The following MAD1L1 variants were observed in gnomAD, a reference collection of about 807,000 sequenced individuals.
MAD1L1 encodes the protein mitotic spindle assembly checkpoint protein MAD1.
A neutral mutation model predicts 96.9 loss-of-function variants in MAD1L1; 95 were observed. The ratio of observed to expected loss-of-function variants is 0.98; its 90% CI spans 0.83 to 1.16. MAD1L1 has a LOEUF of 1.16. Ranked by LOEUF, MAD1L1 falls within the 50% of genes most tolerant of loss-of-function variation. The probability of loss-of-function intolerance (pLI) is 0.00; values close to 1 mark genes in which losing one functional copy is unlikely to be tolerated. For synonymous variants in MAD1L1, 473 were observed against 396.6 expected (o/e 1.19, Z -2.29); for missense variants, 1,007 against 954.4 (o/e 1.06, Z -0.73).
At chr7:1,970,148 G>A (rs960567058) in intron 15 of MAD1L1, among the ~76,000 whole-genome samples, 1 of 152,172 alleles carries the variant, frequency 6.6e-6, no homozygotes, top group African/African-American at 2.4e-5. Flanking sequence ...CCGAGCCGCA[G>A]AGTTGAGCAG....
intron 10 of MAD1L1, among the ~76,000 whole-genome samples, chr7:2,149,905 C>T (rs182436299): frequency 6.6e-5 from 10 of 152,238 alleles, no homozygotes; most frequent in Admixed American, 5.2e-4. Flanking sequence ...TGCAAAGTTA[C>T]GCCAGTGGTG....
intron 10 of MAD1L1, among the ~76,000 whole-genome samples, chr7:2,152,769 T>C (rs1789643118): frequency 6.6e-6 from 1 of 152,134 alleles, no homozygotes; most frequent in Admixed American, 6.5e-5. Context: ...ACAATCCCTA[T>C]GCCGTTAACT....
At chr7:2,050,810 C>T (rs117988176) in intron 12 of MAD1L1, among the ~76,000 whole-genome samples, 47 of 152,292 alleles carry the variant, frequency 3.1e-4, no homozygotes, top group African/African-American at 1.0e-3. Context: ...CTGTGCGGAA[C>T]GGCCAGGTGA....
At chr7:2,132,400 C>T (rs1212588621) in intron 11 of MAD1L1, among the ~76,000 whole-genome samples, 4 of 100,056 alleles carry the variant, frequency 4.0e-5, no homozygotes, top group Admixed American at 1.2e-4. Context: ...CCATCACGGC[C>T]GCGTGCAGTC....
Position 1,905,192 on chromosome 7 carries a change from G to A in MAD1L1, c.1808-6802C>T, listed in dbSNP as rs571873204. On this transcript the variant is annotated intron_variant, in intron 17 of 18. Transcript: ENST00000265854. ...AGGCAGTGAGGACGCAGTGGCCTAC[G>A]GAAGACGCTCTTGCGGAATTCATGA... 3.3e-4 allele frequency among the ~76,000 whole-genome samples: 31 copies of A among 93,796 alleles called. 9 individuals are homozygous for A. The highest frequency in any genetic ancestry group is 6.5e-4 in the Non-Finnish European group (28 of 43,166). 61.5% of individuals were successfully genotyped at this position (93,796 alleles called of 152,430 possible).
At chr7:1,887,000 G>A (rs62436669) in intron 18 of MAD1L1, among the ~76,000 whole-genome samples, 23,017 of 152,334 alleles carry the variant, frequency 0.15, 2,179 homozygotes, top group South Asian at 0.28. Flanking sequence ...GCATGGCAGC[G>A]GCAGGGAGAA....
At chr7:2,193,126 G>A (rs1791807156) in intron 10 of MAD1L1, 1 of 152,342 alleles carries the variant, frequency 6.6e-6, no homozygotes, top group Admixed American at 6.5e-5. Context: ...CTTCCCAGGG[G>A]CAGGGAGGCT....
intron 13 of MAD1L1, among the ~76,000 whole-genome samples, chr7:2,011,842 G>T (rs536340089): frequency 6.6e-6 from 1 of 152,184 alleles, no homozygotes; most frequent in African/African-American, 2.4e-5. Context: ...CCAGTGCAGC[G>T]GGGTCCTGGG....
chr7:1,842,156 A>G (rs1783300644), intron 18 of MAD1L1, among the ~76,000 whole-genome samples: 1 of 152,104 alleles, frequency 6.6e-6, no homozygotes. Flanking sequence ...GGCTTTGTAG[A>G]TCTTGTGTGT....
chr7:1,969,582 T>C (rs1195088574), intron 15 of MAD1L1, among the ~76,000 whole-genome samples: 1 of 152,198 alleles, frequency 6.6e-6, no homozygotes, highest in African/African-American at 2.4e-5. Flanking sequence ...GTGAAACTAC[T>C]TCTCTCTCTT....
intron 17 of MAD1L1, among the ~76,000 whole-genome samples, chr7:1,915,819 G>C (rs1788351606): frequency 6.6e-6 from 1 of 152,154 alleles, no homozygotes; most frequent in African/African-American, 2.4e-5. Flanking sequence ...CGGGATAAGG[G>C]GCTTAGTCTA....
intron 11 of MAD1L1, among the ~76,000 whole-genome samples, chr7:2,102,300 ATCACCACCG>A (rs1786836168): frequency 1.3e-5 from 1 of 75,522 alleles, no homozygotes; most frequent in Non-Finnish European, 3.9e-5. Context: ...CACTGTCACC[ATCACCACCG>A]TCACCATCAC....
At chr7:1,819,392 T>C (rs1005901883) in intron 18 of MAD1L1, among the ~76,000 whole-genome samples, 5 of 152,010 alleles carry the variant, frequency 3.3e-5, no homozygotes, top group African/African-American at 4.8e-5. Context: ...ACTGAGACAC[T>C]CACTCTTAAT....
intron 10 of MAD1L1, among the ~76,000 whole-genome samples, chr7:2,161,056 A>AT (rs1222533183): frequency 8.9e-6 from 1 of 112,582 alleles, no homozygotes; most frequent in African/African-American, 3.3e-5. Flanking sequence ...GGGCAGCAAT[A>AT]TATCACTGCA....
intron 14 of MAD1L1, among the ~76,000 whole-genome samples, chr7:1,998,247 C>A (rs1195318131): frequency 6.6e-6 from 1 of 152,150 alleles, no homozygotes; most frequent in Non-Finnish European, 1.5e-5. Context: ...TCTCTCTCCC[C>A]ACAAAAGAGG....
At chr7:2,144,219 G>T (rs1030896961) in intron 11 of MAD1L1, among the ~76,000 whole-genome samples, 1 of 152,218 alleles carries the variant, frequency 6.6e-6, no homozygotes, top group Non-Finnish European at 1.5e-5. Context: ...GCTTCCAGCT[G>T]GGAGCGTCTG....
At chr7:2,017,067 A>C (rs1305319041) in intron 12 of MAD1L1, among the ~76,000 whole-genome samples, 1 of 152,212 alleles carries the variant, frequency 6.6e-6, no homozygotes, top group Non-Finnish European at 1.5e-5. Context: ...CCAGGCTAGC[A>C]CTGGCTGGCA....
intron 16 of MAD1L1, among the ~76,000 whole-genome samples, chr7:1,948,700 C>A (rs1411188155): frequency 1.1e-4 from 16 of 152,172 alleles, no homozygotes; most frequent in Admixed American, 1.0e-3. Flanking sequence ...GGCGGCCTGC[C>A]GTGGCCAGGG....
At chr7:1,889,433 G>A (rs1786398055) in intron 18 of MAD1L1, among the ~76,000 whole-genome samples, 1 of 152,216 alleles carries the variant, frequency 6.6e-6, no homozygotes, top group Non-Finnish European at 1.5e-5. Context: ...TCCCTCAGGA[G>A]GACCCCAGCA....
Sources: gnomAD v4.1 joint callset for allele counts (sites outside exome capture counted in the v4.1 genomes callset) on GRCh38, gnomAD v4.1.1 for gene constraint, MANE v1.5 for transcripts, NCBI Gene and HGNC (gene_info 2026-07-23, HGNC 2026-07-21) for gene names.